The following PRKCB variants were observed in gnomAD, a reference collection of about 807,000 sequenced individuals.
PRKCB encodes the protein protein kinase C beta.
A neutral mutation model predicts 81.5 loss-of-function variants in PRKCB; 13 were observed. The observed-to-expected ratio is 0.16, with a 90% CI of 0.10 to 0.25. The LOEUF is 0.25. PRKCB is among the 10% of genes least tolerant of loss of function. The pLI, the probability that PRKCB is intolerant of heterozygous loss-of-function variation, is 1.00. For missense variants in PRKCB, 509 were observed against 875.7 expected (o/e 0.58, Z 5.29); for synonymous variants, 335 against 321.4 (o/e 1.04, Z -0.45).
chr16:23,934,868 A>G (rs1964037176), intron 2 of PRKCB, among the ~76,000 whole-genome samples: 1 of 152,218 alleles, frequency 6.6e-6, no homozygotes, highest in African/African-American at 2.4e-5. Flanking sequence ...TGTGATCCAC[A>G]TTCTCAGGAA....
At chr16:24,118,070 G>C (rs910483512) in intron 8 of PRKCB, among the ~76,000 whole-genome samples, 3 of 152,210 alleles carry the variant, frequency 2.0e-5, no homozygotes, top group Non-Finnish European at 4.4e-5. Flanking sequence ...TGGTGTCTTG[G>C]AGGAACACCA....
At chr16:24,157,557 A>G (rs1567395534) in intron 10 of PRKCB, among the ~76,000 whole-genome samples, 1 of 151,778 alleles carries the variant, frequency 6.6e-6, no homozygotes, top group Non-Finnish European at 1.5e-5. Context: ...CTGAACTCCG[A>G]GTCAATTAAA....
chr16:24,149,976 GT>G (rs748967997), intron 9 of PRKCB, among the ~76,000 whole-genome samples: 4 of 152,238 alleles, frequency 2.6e-5, no homozygotes, highest in East Asian at 3.9e-4. Flanking sequence ...TACCTTCTTT[GT>G]TTTTTTCCCC....
intron 5 of PRKCB, among the ~76,000 whole-genome samples, chr16:24,048,807 C>G (rs2141867987): frequency 6.6e-6 from 1 of 152,168 alleles, no homozygotes; most frequent in South Asian, 2.1e-4. Context: ...AAAACCCTTC[C>G]AAATGCCTGG....
At chr16:23,974,915 T>A (rs138787402) in intron 2 of PRKCB, among the ~76,000 whole-genome samples, 10 of 152,150 alleles carry the variant, frequency 6.6e-5, no homozygotes, top group African/African-American at 2.4e-4. Flanking sequence ...GTCCCAAGAA[T>A]CAAATCCCAG....
At chr16:24,191,392 A>T in intron 16 of PRKCB, 162 bp downstream of exon 16, 1 of 718,992 alleles carries the variant, frequency 1.4e-6, no homozygotes, top group East Asian at 2.8e-5. Flanking sequence ...GGTTACTAAG[A>T]TGGACATTTT....
chr16:24,026,798 G>A (rs1245075712), intron 3 of PRKCB, among the ~76,000 whole-genome samples: 2 of 152,196 alleles, frequency 1.3e-5, no homozygotes, highest in African/African-American at 2.4e-5. Context: ...TGGGAGAAGT[G>A]AAGGATGTAA....
chr16:23,842,039 C>A (rs1567286438), intron 2 of PRKCB, among the ~76,000 whole-genome samples: 1 of 152,058 alleles, frequency 6.6e-6, no homozygotes, highest in Admixed American at 6.6e-5. Flanking sequence ...AAACTGCCAG[C>A]CTCAAGCCAG....
chr16:24,033,820 C>T (rs948858819), intron 4 of PRKCB, among the ~76,000 whole-genome samples: 13 of 151,952 alleles, frequency 8.6e-5, no homozygotes, highest in African/African-American at 3.1e-4. Flanking sequence ...CGCCATTACA[C>T]AGGCTCATGC....
At chr16:24,088,600 A>G (rs891900843) in intron 5 of PRKCB, among the ~76,000 whole-genome samples, 3 of 151,760 alleles carry the variant, frequency 2.0e-5, no homozygotes, top group African/African-American at 7.3e-5. Context: ...GTAGTGGCAC[A>G]TGCCTGTAGT....
intron 16 of PRKCB, among the ~76,000 whole-genome samples, chr16:24,194,958 C>T (rs917892878): frequency 1.3e-5 from 2 of 152,188 alleles, no homozygotes; most frequent in African/African-American, 2.4e-5. Flanking sequence ...AATCCCCACA[C>T]TTTGGAAGGC....
chr16:23,915,861 G>A (rs963509422), intron 2 of PRKCB, among the ~76,000 whole-genome samples: 1 of 151,622 alleles, frequency 6.6e-6, no homozygotes, highest in Non-Finnish European at 1.5e-5. Context: ...GAAAAAACTC[G>A]ATCGTTAACA....
At chr16:23,926,427 T>C (rs1963897181) in intron 2 of PRKCB, among the ~76,000 whole-genome samples, 1 of 151,610 alleles carries the variant, frequency 6.6e-6, no homozygotes, top group Non-Finnish European at 1.5e-5. Context: ...GAGGTTGCAG[T>C]GAGCCGAGAT....
intron 15 of PRKCB, among the ~76,000 whole-genome samples, chr16:24,189,536 G>A (rs1375139128): frequency 2.0e-5 from 3 of 151,742 alleles, no homozygotes; most frequent in African/African-American, 7.3e-5. Context: ...CAGCTACTCG[G>A]GAGGCTGAGG....
At chr16:24,183,772 G>A (rs981155294) in intron 13 of PRKCB, among the ~76,000 whole-genome samples, 1 of 152,182 alleles carries the variant, frequency 6.6e-6, no homozygotes, top group Non-Finnish European at 1.5e-5. Context: ...TTCAAAGTCA[G>A]ACTGCCTAAC....
At position 24,008,342 on chromosome 16, in the gene PRKCB, A is replaced by G. The variant is rs146513499; in HGVS notation, c.288+19752A>G. 1.4e-4 allele frequency among the ~76,000 whole-genome samples: 21 copies of G among 152,348 alleles called. No homozygotes were observed. The East Asian group carries it at 1.7e-3, about 13-fold the overall frequency. ...GCTGCCTTTCCAGATATGCACTGCC[A>G]AAGGTCTGTGACCCTACAGCCTTGG... On this transcript the variant is annotated intron_variant, in intron 3 of 16. Transcript: ENST00000643927.
intron 3 of PRKCB, among the ~76,000 whole-genome samples, chr16:24,020,895 A>C (rs1965348411): frequency 6.6e-6 from 1 of 152,148 alleles, no homozygotes; most frequent in Non-Finnish European, 1.5e-5. Context: ...TTATTCCTGC[A>C]GTTTTACTTC....
At chr16:23,901,134 A>G (rs1416429876) in intron 2 of PRKCB, among the ~76,000 whole-genome samples, 1 of 152,102 alleles carries the variant, frequency 6.6e-6, no homozygotes, top group Non-Finnish European at 1.5e-5. Flanking sequence ...ATTGCCAAGG[A>G]TAGTTTGAAA....
chr16:24,130,876 A>C (rs1379181698), intron 9 of PRKCB, among the ~76,000 whole-genome samples: 2 of 152,158 alleles, frequency 1.3e-5, no homozygotes, highest in Admixed American at 1.3e-4. Context: ...CGGGAGAACA[A>C]TTTGGGTGGA....
Sources: allele counts gnomAD v4.1 joint callset (sites outside exome capture counted in the v4.1 genomes callset), GRCh38; gene constraint gnomAD v4.1.1; transcripts MANE v1.5; gene names NCBI Gene and HGNC (gene_info 2026-07-23, HGNC 2026-07-21).